ADGRL3: variants seen among roughly 807,000 people sequenced by gnomAD.
The protein encoded by ADGRL3 is adhesion G protein-coupled receptor L3.
In ADGRL3, 62 loss-of-function variants were observed where a neutral mutation model predicts 153.5. That is an observed-to-expected ratio of 0.40 (90% CI 0.33 to 0.50). The LOEUF (loss-of-function observed/expected upper bound fraction) is 0.50. ADGRL3 is among the 20% of genes least tolerant of loss of function. The pLI, the probability that ADGRL3 is intolerant of heterozygous loss-of-function variation, is 0.47. For synonymous variants in ADGRL3, 710 were observed against 672.5 expected (o/e 1.06, Z -0.86); for missense variants, 1,641 against 1,859.4 (o/e 0.88, Z 2.16).
chr4:61,500,890 G>A (rs2098380192), intron 3 of ADGRL3, among the ~76,000 whole-genome samples: 1 of 152,198 alleles, frequency 6.6e-6, no homozygotes, highest in Admixed American at 6.5e-5. Context: ...AAGGGACACA[G>A]AGGGAATTTA....
intron 6 of ADGRL3, among the ~76,000 whole-genome samples, chr4:61,696,677 T>C (rs2095648914): frequency 7.2e-6 from 1 of 139,712 alleles, no homozygotes; most frequent in Admixed American, 7.2e-5. Context: ...AACCTTTTTT[T>C]TTTTTTTTTT....
chr4:62,048,726 A>T (rs1732518180), intron 25 of ADGRL3, among the ~76,000 whole-genome samples: 1 of 145,914 alleles, frequency 6.9e-6, no homozygotes, highest in Non-Finnish European at 1.5e-5. Context: ...CTTTTTTTTT[A>T]ACTTTTTTTA....
chr4:61,863,078 C>T (rs949706054), intron 9 of ADGRL3, among the ~76,000 whole-genome samples: 4 of 152,080 alleles, frequency 2.6e-5, no homozygotes, highest in Non-Finnish European at 4.4e-5. Flanking sequence ...TGTGTGACTC[C>T]TCTCTGAGAA....
intron 9 of ADGRL3, among the ~76,000 whole-genome samples, chr4:61,840,913 G>A (rs566885650): frequency 6.6e-6 from 1 of 152,220 alleles, no homozygotes; most frequent in African/African-American, 2.4e-5. Context: ...TTATCTTTTA[G>A]AATTGCTTTC....
chr4:61,674,918 A>G (rs1021535881), intron 5 of ADGRL3, among the ~76,000 whole-genome samples: 3 of 151,984 alleles, frequency 2.0e-5, no homozygotes, highest in African/African-American at 7.2e-5. Context: ...GGACAGCCAC[A>G]TTTACCTTAA....
intron 21 of ADGRL3, among the ~76,000 whole-genome samples, chr4:62,013,457 ACTTGAAC>A (rs1279889646): frequency 1.3e-5 from 2 of 151,712 alleles, no homozygotes; most frequent in African/African-American, 4.8e-5. Flanking sequence ...CAGGAGAATC[ACTTGAAC>A]CTGGGAGGCG....
chr4:61,774,501 ATAAG>A (rs1276258682), intron 8 of ADGRL3, among the ~76,000 whole-genome samples: 4 of 152,158 alleles, frequency 2.6e-5, no homozygotes, highest in South Asian at 4.1e-4. Context: ...ATTAGTGATT[ATAAG>A]TAATGCAGAG....
intron 6 of ADGRL3, among the ~76,000 whole-genome samples, chr4:61,714,003 A>T (rs2096056436): frequency 6.6e-6 from 1 of 152,138 alleles, no homozygotes. Context: ...AGAATTAGCC[A>T]CAAGTTCTAT....
intron 2 of ADGRL3, among the ~76,000 whole-genome samples, chr4:61,399,063 T>A (rs1376210369): frequency 6.6e-6 from 1 of 151,756 alleles, no homozygotes; most frequent in African/African-American, 2.4e-5. Context: ...AATGGACCAT[T>A]TATAGGACAG....
intron 1 of ADGRL3, among the ~76,000 whole-genome samples, chr4:61,208,242 G>A (rs1358058668): frequency 6.6e-6 from 1 of 152,036 alleles, no homozygotes. Context: ...TCTGGAGTGT[G>A]TTTGCCTAGG....
At chr4:61,409,453 T>C (rs561110449) in intron 2 of ADGRL3, among the ~76,000 whole-genome samples, 7 of 147,108 alleles carry the variant, frequency 4.8e-5, no homozygotes, top group African/African-American at 1.7e-4. Flanking sequence ...CAAGCTTTCC[T>C]TTTCATATTT....
At chr4:61,746,655 C>T (rs1334934081) in intron 8 of ADGRL3, among the ~76,000 whole-genome samples, 4 of 152,046 alleles carry the variant, frequency 2.6e-5, no homozygotes, top group African/African-American at 4.8e-5. Context: ...TTCTTTGAAA[C>T]CAACAAGAAC....
intron 4 of ADGRL3, among the ~76,000 whole-genome samples, chr4:61,559,396 T>G (rs1327377180): frequency 6.6e-6 from 1 of 152,114 alleles, no homozygotes; most frequent in Non-Finnish European, 1.5e-5. Flanking sequence ...CCTTTGCCAG[T>G]CTAAGCTGCT....
Position 61,939,895 on chromosome 4 carries a change from G to C in ADGRL3, c.2419+3850G>C, listed in dbSNP as rs78829563. Among the ~76,000 whole-genome samples, 9 of 151,080 alleles carry C rather than the reference G, an allele frequency of 6.0e-5. No homozygotes were observed. The East Asian group carries it at 1.8e-3, about 29-fold the overall frequency. ...ATGATGTTCCACGTATCAATAGTTT[G>C]TTCTTTATTGATGCATAGTATATTC... On this transcript the variant is annotated intron_variant, in intron 15 of 26. Coordinates refer to ENST00000683033, the MANE Select transcript of ADGRL3 (RefSeq NM_001387552.1).
At chr4:61,450,652 T>G (rs974234980) in intron 2 of ADGRL3, among the ~76,000 whole-genome samples, 1 of 152,152 alleles carries the variant, frequency 6.6e-6, no homozygotes, top group African/African-American at 2.4e-5. Flanking sequence ...GAAATATATG[T>G]GTAATAACAT....
intron 13 of ADGRL3, among the ~76,000 whole-genome samples, chr4:61,917,685 G>A (rs2098751010): frequency 6.8e-6 from 1 of 147,886 alleles, no homozygotes; most frequent in Non-Finnish European, 1.5e-5. Context: ...TCTAGTCATG[G>A]GATGGGGGGC....
chr4:61,790,051 C>T (rs951076496), intron 8 of ADGRL3, among the ~76,000 whole-genome samples: 4 of 152,100 alleles, frequency 2.6e-5, no homozygotes, highest in African/African-American at 9.7e-5. Context: ...TGGAAGAGAT[C>T]CTTTCTGTAA....
intron 8 of ADGRL3, among the ~76,000 whole-genome samples, chr4:61,741,505 C>T (rs1185748524): frequency 6.6e-6 from 1 of 152,230 alleles, no homozygotes; most frequent in Non-Finnish European, 1.5e-5. Context: ...GTGACAGCTG[C>T]TGCCTGAAGG....
intron 4 of ADGRL3, among the ~76,000 whole-genome samples, chr4:61,549,874 C>T (rs1200568920): frequency 6.6e-6 from 1 of 152,034 alleles, no homozygotes; most frequent in Admixed American, 6.6e-5. Flanking sequence ...ATTTTTCTTT[C>T]AGCAACATAT....
Sources: allele counts gnomAD v4.1 joint callset (sites outside exome capture counted in the v4.1 genomes callset), GRCh38; gene constraint gnomAD v4.1.1; transcripts MANE v1.5; gene names NCBI Gene and HGNC (gene_info 2026-07-23, HGNC 2026-07-21).